C10orf67: variants seen among roughly 807,000 people sequenced by gnomAD.
C10orf67 encodes uncharacterized protein C10orf67, mitochondrial.
A neutral mutation model predicts 35.6 loss-of-function variants in C10orf67; 60 were observed. That is an observed-to-expected ratio of 1.68 (90% confidence interval 1.37 to 2.09). The LOEUF (loss-of-function observed/expected upper bound fraction) is 2.09. C10orf67 is among the 30% of genes most tolerant of loss of function. The probability of loss-of-function intolerance (pLI) is 0.00; values close to 1 mark genes in which losing one functional copy is unlikely to be tolerated. For missense variants in C10orf67, 474 were observed against 330.2 expected, an observed-to-expected ratio of 1.44 and a Z score of -3.38; for synonymous variants, 167 against 115.8, an observed-to-expected ratio of 1.44 and a Z score of -2.84.
rs993915000 is a variant in C10orf67, at chr10:23,301,497, G to A, written c.702+1807C>T. On this transcript the variant is annotated intron_variant, in intron 5 of 15. Coordinates refer to ENST00000636213, the MANE Select transcript of C10orf67 (RefSeq NM_001371909.1). ...GAAAGTGGTCCCAATATTACTCATC[G>A]CTTTGGAGGTCCCATGTGGGTCACC... is the stretch of plus-strand genomic sequence containing the variant. Among the ~76,000 whole-genome samples the A allele has an allele frequency of 9.2e-5, 14 of 152,310 alleles. No homozygotes were observed. In the East Asian group the frequency reaches 9.6e-4, roughly 10 times the overall value.
At chr10:23,323,952 T>TATATATATATATATACACAC (rs1564513730) in intron 2 of C10orf67, among the ~76,000 whole-genome samples, 3 of 64,696 alleles carry the variant, frequency 4.6e-5, no homozygotes, top group Non-Finnish European at 6.7e-5. Flanking sequence ...TATATATATA[T>TATATATATATATATACACAC]ACACACACAC....
At chr10:23,218,190 AG>A (rs2132097256) in intron 15 of C10orf67, among the ~76,000 whole-genome samples, 1 of 152,296 alleles carries the variant, frequency 6.6e-6, no homozygotes, top group Admixed American at 6.5e-5. Context: ...CCCAGGCTGA[AG>A]TGCAGTGGCG....
intron 4 of C10orf67, among the ~76,000 whole-genome samples, chr10:23,311,642 C>G (rs1383175697): frequency 2.0e-5 from 3 of 151,808 alleles, no homozygotes; most frequent in African/African-American, 7.3e-5. Flanking sequence ...ACCCGGGAGG[C>G]AGAGGTTGCT....
At chr10:23,340,279 C>A (rs559397573) in intron 1 of C10orf67, among the ~76,000 whole-genome samples, 1 of 148,060 alleles carries the variant, frequency 6.8e-6, no homozygotes, top group South Asian at 2.1e-4. Flanking sequence ...CTAAGGTGGG[C>A]AGACTGCTTG....
chr10:23,266,137 G>A, intron 10 of C10orf67, 125 bp downstream of exon 10: 1 of 373,878 alleles, frequency 2.7e-6, no homozygotes, highest in Non-Finnish European at 4.5e-6. Context: ...GGCAGCTGGA[G>A]CCCCCCACTC....
intron 2 of C10orf67, among the ~76,000 whole-genome samples, chr10:23,323,093 CAA>C (rs1219891541): frequency 6.6e-6 from 1 of 152,124 alleles, no homozygotes. Flanking sequence ...GACTAAAAGA[CAA>C]GAGTTTCCTA....
downstream of C10orf67, chr10:23,201,924 T>A (rs1841043710): frequency 6.6e-6 from 1 of 152,272 alleles, no homozygotes; most frequent in Non-Finnish European, 1.5e-5. Context: ...GTGGAAAGAC[T>A]GGCTTCACAG....
At chr10:23,209,998 TAAAAAAAAAA>T (rs59247961) in intron 15 of C10orf67, among the ~76,000 whole-genome samples, 1 of 67,216 alleles carries the variant, frequency 1.5e-5, no homozygotes, top group African/African-American at 5.7e-5. Context: ...AGACCTTGGC[TAAAAAAAAAA>T]AAAAAAAAAA....
intron 7 of C10orf67, among the ~76,000 whole-genome samples, chr10:23,284,126 A>AT (rs1843454800): frequency 6.6e-6 from 1 of 150,710 alleles, no homozygotes; most frequent in Non-Finnish European, 1.5e-5. Flanking sequence ...AAAAAAAAAA[A>AT]AAAAGGGTGG....
chr10:23,244,110 C>G (rs1232609859), intron 12 of C10orf67, among the ~76,000 whole-genome samples: 3 of 152,116 alleles, frequency 2.0e-5, no homozygotes, highest in African/African-American at 7.2e-5. Flanking sequence ...AGGCTGGTCT[C>G]AAACTCCTGA....
chr10:23,248,122 C>T lies in C10orf67; in HGVS notation c.1346+2333G>A, dbSNP rs1588613851. Among the ~76,000 whole-genome samples, 5 of 152,246 alleles carry T rather than the reference C, an allele frequency of 3.3e-5. No individual in the cohort carries two copies. The Middle Eastern group carries it at 0.014, about 414-fold the overall frequency. Reference sequence around the variant, plus strand: ...TATGCAAGCCAGAGTGGCACGGGAACCACCTGTAACATTTCTTATGCGCTT... The same window carrying T: ...TATGCAAGCCAGAGTGGCACGGGAATCACCTGTAACATTTCTTATGCGCTT... On this transcript the variant is annotated intron_variant, in intron 12 of 15. Coordinates refer to ENST00000636213, the MANE Select transcript of C10orf67 (RefSeq NM_001371909.1).
Position 23,307,139 on chromosome 10 carries a change from C to T in C10orf67, c.547-3680G>A, listed in dbSNP as rs142168817. 1.1e-3 allele frequency among the ~76,000 whole-genome samples: 166 copies of T among 152,098 alleles called. 2 individuals carry two copies. In the East Asian group the frequency reaches 0.03, roughly 28 times the overall value. On this transcript the variant is annotated intron_variant, in intron 4 of 15. Coordinates refer to ENST00000636213, the MANE Select transcript of C10orf67 (RefSeq NM_001371909.1). ...TTCATTACTCTGAAGAACTATATTA[C>T]AAAACCAAAAAAAGGATGAAATGCT...
intron 2 of C10orf67, among the ~76,000 whole-genome samples, chr10:23,322,813 T>C (rs1401798522): frequency 6.6e-6 from 1 of 152,108 alleles, no homozygotes; most frequent in Non-Finnish European, 1.5e-5. Flanking sequence ...AACCTGCATA[T>C]GTACCCCTGA....
At chr10:23,211,480 G>GTGTGTGT (rs1193681718) in intron 15 of C10orf67, among the ~76,000 whole-genome samples, 28 of 117,490 alleles carry the variant, frequency 2.4e-4, no homozygotes, top group African/African-American at 8.5e-4. Flanking sequence ...TGTGTGTGTG[G>GTGTGTGT]GGGGGGGGGG....
intron 15 of C10orf67, among the ~76,000 whole-genome samples, chr10:23,206,536 T>G (rs1199105748): frequency 3.9e-5 from 6 of 152,260 alleles, no homozygotes; most frequent in Non-Finnish European, 8.8e-5. Flanking sequence ...GATGACCTAT[T>G]GCTTTCAAGT....
chr10:23,338,402 A>T (rs1248234174), intron 1 of C10orf67, among the ~76,000 whole-genome samples: 2 of 152,178 alleles, frequency 1.3e-5, no homozygotes, highest in Non-Finnish European at 2.9e-5. Context: ...CATGAACCAC[A>T]GGGAATAGCC....
At chr10:23,298,052 G>A (rs924107203) in intron 5 of C10orf67, among the ~76,000 whole-genome samples, 5 of 152,070 alleles carry the variant, frequency 3.3e-5, no homozygotes, top group African/African-American at 7.2e-5. Flanking sequence ...TCAGGAGATC[G>A]AGACCATCCT....
chr10:23,337,487 T>C (rs1845734433), intron 1 of C10orf67, among the ~76,000 whole-genome samples: 2 of 152,122 alleles, frequency 1.3e-5, no homozygotes, highest in South Asian at 4.1e-4. Flanking sequence ...TGAGCTTGGA[T>C]TGTGTCACTG....
intron 10 of C10orf67, among the ~76,000 whole-genome samples, chr10:23,263,721 C>T (rs1209434084): frequency 6.6e-6 from 1 of 152,140 alleles, no homozygotes; most frequent in Non-Finnish European, 1.5e-5. Flanking sequence ...TGGGTGCAAC[C>T]ATAATTAACT....
Sources: gnomAD v4.1 joint callset for allele counts (sites outside exome capture counted in the v4.1 genomes callset) on GRCh38, gnomAD v4.1.1 for gene constraint, MANE v1.5 for transcripts, NCBI Gene and HGNC (gene_info 2026-07-23, HGNC 2026-07-21) for gene names.